The following ABCB4 variants were observed in gnomAD, a reference collection of about 807,000 sequenced individuals.
ABCB4 encodes the protein ATP binding cassette subfamily B member 4.
A neutral mutation model predicts 145.7 loss-of-function variants in ABCB4; 76 were observed. The observed-to-expected ratio is 0.52, with a 90% CI of 0.43 to 0.63. The LOEUF (loss-of-function observed/expected upper bound fraction) is 0.63, where lower values mean the gene tolerates loss of function less well. Ranked by LOEUF, ABCB4 falls within the 30% of genes least tolerant of loss-of-function variation. The pLI is 0.00. For missense variants in ABCB4, 1,234 were observed against 1,553.1 expected (o/e 0.79, Z 3.45); for synonymous variants, 517 against 566.8 (o/e 0.91, Z 1.25).
At chr7:87,369,305 A>G in the ABCB4 span, 22 of 940,170 alleles carry the variant, frequency 2.3e-5, no homozygotes, top group East Asian at 7.4e-5. Flanking sequence ...CTTTTCTTCT[A>G]TTGGATATAT....
intron 23 of ABCB4, among the ~76,000 whole-genome samples, chr7:87,409,825 T>C (rs31658): frequency 0.86 from 131,482 of 152,260 alleles, 56,955 homozygotes; most frequent in Middle Eastern, 0.94. Context: ...GATAAAGCTC[T>C]GGCCCTGACT....
chr7:87,464,653 C>A (rs1812723380), intron 3 of ABCB4, among the ~76,000 whole-genome samples: 1 of 152,010 alleles, frequency 6.6e-6, no homozygotes, highest in South Asian at 2.1e-4. Flanking sequence ...AGTGATTTTC[C>A]AGAAAATAAT....
At chr7:87,411,863 A>C in intron 23 of ABCB4, 30 bp downstream of exon 23, 1 of 1,604,504 alleles carries the variant, frequency 6.2e-7, no homozygotes. Context: ...CTTATTATAG[A>C]ATAATCTTAA....
chr7:87,382,437 TA>T, the ABCB4 span: 10 of 1,613,718 alleles, frequency 6.2e-6, no homozygotes, highest in Non-Finnish European at 8.5e-6. Flanking sequence ...GATTGCGGCT[TA>T]TGCCTTTACA....
At chr7:87,429,804 G>A (rs1810078761) in intron 15 of ABCB4, among the ~76,000 whole-genome samples, 1 of 151,722 alleles carries the variant, frequency 6.6e-6, no homozygotes, top group Non-Finnish European at 1.5e-5. Context: ...ATGCAAGCCT[G>A]AGTTATAAAA....
chr7:87,454,642 G>A, intron 4 of ABCB4, 50 bp from the exon 5 acceptor site: 1 of 1,300,914 alleles, frequency 7.7e-7, no homozygotes. Context: ...ACTATTAATA[G>A]GCATTGCCAG....
At chr7:87,376,956 G>A in the ABCB4 span, among the ~76,000 whole-genome samples, 1 of 152,048 alleles carries the variant, frequency 6.6e-6, no homozygotes, top group Non-Finnish European at 1.5e-5. Context: ...TGAAAAACAG[G>A]TTTAGTAGGA....
At chr7:87,398,264 C>T (rs774289653), downstream of ABCB4, 8 of 623,352 alleles carry the variant, frequency 1.3e-5, no homozygotes, top group Non-Finnish European at 2.4e-5. Flanking sequence ...GCAGTAAGAC[C>T]TAGCTTCAGA....
chr7:87,407,586 AG>A (rs1347034275), intron 25 of ABCB4, among the ~76,000 whole-genome samples: 1 of 152,192 alleles, frequency 6.6e-6, no homozygotes, highest in African/African-American at 2.4e-5. Flanking sequence ...CAAATATGAA[AG>A]GGCTGGAGGT....
the ABCB4 span, among the ~76,000 whole-genome samples, chr7:87,374,702 C>T: frequency 6.6e-6 from 1 of 151,984 alleles, no homozygotes; most frequent in Non-Finnish European, 1.5e-5. Flanking sequence ...GGGAATTTTT[C>T]AGCAAGAAAT....
At chr7:87,420,135 C>G (rs952260823) in intron 18 of ABCB4, 60 bp from the exon 19 acceptor site, 6 of 1,488,372 alleles carry the variant, frequency 4.0e-6, no homozygotes, top group Non-Finnish European at 4.7e-6. Flanking sequence ...TGCACCAGAC[C>G]AATCATGTTC....
chr7:87,449,964 T>C lies in ABCB4; in HGVS notation c.833+4A>G. ...TAAACCAGTGGCTAAAGAACCTTCCTGACCTTTCCAGCTCTTTGTTCTGGC... is the reference window on the plus strand; with the variant it reads ...TAAACCAGTGGCTAAAGAACCTTCCCGACCTTTCCAGCTCTTTGTTCTGGC... On this transcript the variant is annotated splice_donor_region_variant and intron_variant, in intron 8 of 27. Transcript: ENST00000649586. 6.2e-7 allele frequency: 1 copy of C among 1,614,164 alleles called. No homozygotes were observed. The highest frequency in any genetic ancestry group is 1.1e-5 in the South Asian group (1 of 91,086).
At chr7:87,419,301 A>T (rs955068725) in intron 19 of ABCB4, among the ~76,000 whole-genome samples, 32 of 152,218 alleles carry the variant, frequency 2.1e-4, no homozygotes, top group African/African-American at 7.5e-4. Flanking sequence ...TGTGAACAGA[A>T]ATGTAATCAG....
the ABCB4 span, among the ~76,000 whole-genome samples, chr7:87,366,154 T>C: frequency 1.1e-4 from 17 of 152,168 alleles, no homozygotes; most frequent in African/African-American, 3.9e-4. Context: ...CAAAATCCAT[T>C]ATATCCTCAA....
chr7:87,373,489 A>G, the ABCB4 span, among the ~76,000 whole-genome samples: 1 of 152,098 alleles, frequency 6.6e-6, no homozygotes, highest in Admixed American at 6.5e-5. Context: ...CTAAGAAACC[A>G]TTGCCTAATC....
intron 14 of ABCB4, among the ~76,000 whole-genome samples, chr7:87,436,616 G>T (rs780288648): frequency 6.6e-6 from 1 of 152,110 alleles, no homozygotes; most frequent in Non-Finnish European, 1.5e-5. Flanking sequence ...TTATGAAAAA[G>T]GAAAGCCCTC....
chr7:87,401,360 A>C, downstream of ABCB4, among the ~76,000 whole-genome samples: 1 of 152,206 alleles, frequency 6.6e-6, no homozygotes, highest in East Asian at 1.9e-4. Context: ...TTCCATCTAA[A>C]CATACCTTTC....
At chr7:87,424,081 G>T in intron 16 of ABCB4, 29 bp from the exon 17 acceptor site, 1 of 1,613,736 alleles carries the variant, frequency 6.2e-7, no homozygotes, top group Non-Finnish European at 8.5e-7. Flanking sequence ...AGGGCAAACT[G>T]GTGATGACAC....
chr7:87,391,756 G>T, the ABCB4 span: 1 of 1,581,580 alleles, frequency 6.3e-7, no homozygotes, highest in Non-Finnish European at 8.6e-7. Context: ...TTGTTTAATT[G>T]TTCTAAAGGA....
Sources: allele counts gnomAD v4.1 joint callset (sites outside exome capture counted in the v4.1 genomes callset), GRCh38; gene constraint gnomAD v4.1.1; transcripts MANE v1.5; gene names NCBI Gene and HGNC (gene_info 2026-07-23, HGNC 2026-07-21).